Variants in TCF7L1 observed in about 807,000 individuals in gnomAD.
The protein encoded by TCF7L1 is transcription factor 7-like 1.
TCF7L1 carries 18 observed loss-of-function variants against 63.7 expected under a neutral mutation model. That is an observed-to-expected ratio of 0.28 (90% confidence interval 0.20 to 0.42). The LOEUF is 0.42. Among genes scored for constraint, TCF7L1 ranks in the 10% least tolerant of loss-of-function variants. TCF7L1 has a pLI of 1.00. For missense variants in TCF7L1, 654 were observed against 779.3 expected, an observed-to-expected ratio of 0.84 and a Z score of 1.91; for synonymous variants, 355 against 340.9, an observed-to-expected ratio of 1.04 and a Z score of -0.46.
At chr2:85,189,027 G>A (rs547379125) in intron 3 of TCF7L1, among the ~76,000 whole-genome samples, 75 of 152,236 alleles carry the variant, frequency 4.9e-4, no homozygotes, top group African/African-American at 1.7e-3. Context: ...GCAGAGCATC[G>A]TCCCTTCCAA....
chr2:85,184,771 G>A (rs191432521), intron 3 of TCF7L1, among the ~76,000 whole-genome samples: 4 of 152,154 alleles, frequency 2.6e-5, no homozygotes, highest in African/African-American at 4.8e-5. Flanking sequence ...GTATAGGGGC[G>A]GGACAAGGCT....
intron 3 of TCF7L1, among the ~76,000 whole-genome samples, chr2:85,235,856 T>C (rs894571967): frequency 6.6e-6 from 1 of 151,898 alleles, no homozygotes; most frequent in Non-Finnish European, 1.5e-5. Flanking sequence ...AGTCTGTCTC[T>C]ACCAGAAATA....
At chr2:85,262,732 AAGC>A (rs1183983808) in intron 3 of TCF7L1, among the ~76,000 whole-genome samples, 1 of 152,196 alleles carries the variant, frequency 6.6e-6, no homozygotes, top group Admixed American at 6.5e-5. Flanking sequence ...ATTAGAGAAC[AAGC>A]ATATGGGTTG....
In TCF7L1 at chr2:85,306,967, G is replaced by A. The variant is rs1265497762; in HGVS notation, c.1257+408G>A. On this transcript the variant is annotated intron_variant, in intron 10 of 11. Coordinates refer to ENST00000282111, the MANE Select transcript of TCF7L1 (RefSeq NM_031283.3). This position sits in a 1 kb window ranked among gnomAD's most constrained non-coding sequence, Gnocchi z 4.3. ...GCGTGAGCCACCGCGCCCGGCCAGC[G>A]ACTGCATTTATAGAGGACTCTTAAG... 1.3e-5 allele frequency among the ~76,000 whole-genome samples: 2 copies of A among 152,154 alleles called. No homozygotes were observed. Among genetic ancestry groups the A allele is most frequent in the Non-Finnish European group, 2.9e-5 (2 of 68,018 alleles).
chr2:85,135,942 G>A (rs931690762), intron 3 of TCF7L1, among the ~76,000 whole-genome samples: 17 of 134,576 alleles, frequency 1.3e-4, no homozygotes, highest in South Asian at 2.6e-4. Flanking sequence ...GGGGGGGGGG[G>A]ATCAACGAGC....
chr2:85,286,990 T>G (rs1320378878), intron 4 of TCF7L1, among the ~76,000 whole-genome samples: 4 of 152,182 alleles, frequency 2.6e-5, no homozygotes, highest in African/African-American at 9.7e-5. Flanking sequence ...TTCTTCCTTT[T>G]GCACAGAGCA....
At chr2:85,245,507 C>T (rs941493180) in intron 3 of TCF7L1, among the ~76,000 whole-genome samples, 5 of 152,076 alleles carry the variant, frequency 3.3e-5, no homozygotes, top group African/African-American at 1.2e-4. Context: ...AGGTCAGAGC[C>T]AGGGGCCTCT....
chr2:85,265,898 T>G (rs1680962128), intron 3 of TCF7L1, among the ~76,000 whole-genome samples: 1 of 152,162 alleles, frequency 6.6e-6, no homozygotes, highest in Admixed American at 6.5e-5. Context: ...ACACCCATAA[T>G]CTTGTCTCCC....
At chr2:85,242,853 T>C (rs754565046) in intron 3 of TCF7L1, among the ~76,000 whole-genome samples, 2 of 152,226 alleles carry the variant, frequency 1.3e-5, no homozygotes, top group Non-Finnish European at 2.9e-5. Flanking sequence ...GCAGATGTTT[T>C]ACCTCAGCCT....
At position 85,309,712 on chromosome 2, in the gene TCF7L1, C is replaced by A. The variant is rs1290306938; in HGVS notation, c.*250C>A. 7.1e-6 allele frequency: 3 copies of A among 422,524 alleles called. No individual in the cohort carries two copies. The highest frequency in any genetic ancestry group is 4.1e-5 in the African/African-American group (2 of 48,960). 26.2% of individuals were successfully genotyped at this position (422,524 alleles called of 1,614,324 possible). A position where few individuals can be genotyped will look rare whatever the true frequency, so the allele number is the denominator to read the frequency against. ...GAGAACTGAAAAGTAGCGTGCTATTCGTCCTGTAGGTGCTGTGGTGGATGG... is the reference window on the plus strand; with the variant it reads ...GAGAACTGAAAAGTAGCGTGCTATTAGTCCTGTAGGTGCTGTGGTGGATGG... On this transcript the variant is annotated 3_prime_UTR_variant, in exon 12 of 12. Transcript: ENST00000282111.
chr2:85,154,653 G>A (rs886362540), intron 3 of TCF7L1, among the ~76,000 whole-genome samples: 9 of 152,178 alleles, frequency 5.9e-5, no homozygotes, highest in Admixed American at 4.6e-4. Context: ...ACATTTCACT[G>A]TCGGTAAATA....
chr2:85,227,634 T>C (rs1679987771), intron 3 of TCF7L1, among the ~76,000 whole-genome samples: 1 of 152,192 alleles, frequency 6.6e-6, no homozygotes, highest in South Asian at 2.1e-4. Flanking sequence ...TCTACCATTC[T>C]AATAGAAACC....
chr2:85,165,569 G>A (rs769409417), intron 3 of TCF7L1, among the ~76,000 whole-genome samples: 10 of 152,324 alleles, frequency 6.6e-5, no homozygotes, highest in East Asian at 1.9e-4. Flanking sequence ...CCCGAGTGGC[G>A]TGTGTTGGAG....
At chr2:85,305,504 G>A in intron 8 of TCF7L1, 101 bp downstream of exon 8, 2 of 1,408,780 alleles carry the variant, frequency 1.4e-6, no homozygotes, top group Non-Finnish European at 9.4e-7. Flanking sequence ...CTCTCTTGGT[G>A]TCACTCAGCA....
intron 3 of TCF7L1, among the ~76,000 whole-genome samples, chr2:85,143,434 G>T (rs968866660): frequency 6.6e-6 from 1 of 151,922 alleles, no homozygotes; most frequent in Non-Finnish European, 1.5e-5. Flanking sequence ...GCTCTTTTTG[G>T]CTGGTCTTAA....
At chr2:85,222,478 G>A (rs1679868072) in intron 3 of TCF7L1, among the ~76,000 whole-genome samples, 1 of 151,724 alleles carries the variant, frequency 6.6e-6, no homozygotes, top group Non-Finnish European at 1.5e-5. Flanking sequence ...GGCCAGCCTG[G>A]GCAACATGGT....
chr2:85,274,539 A>G (rs1233268005), intron 3 of TCF7L1, among the ~76,000 whole-genome samples: 1 of 152,000 alleles, frequency 6.6e-6, no homozygotes, highest in Admixed American at 6.6e-5. Context: ...GCAAGTCAGG[A>G]CACATCTGAG....
intron 3 of TCF7L1, among the ~76,000 whole-genome samples, chr2:85,197,232 G>A (rs565728066): frequency 1.4e-4 from 21 of 152,312 alleles, no homozygotes; most frequent in Admixed American, 1.4e-3. Flanking sequence ...CCGACACGGT[G>A]AAACCCAGTC....
intron 3 of TCF7L1, among the ~76,000 whole-genome samples, chr2:85,250,959 G>A (rs370592989): frequency 1.3e-5 from 2 of 152,274 alleles, no homozygotes. Flanking sequence ...TGTTCAGACT[G>A]AGCAGCAAAA....
Sources: gnomAD v4.1 joint callset for allele counts (sites outside exome capture counted in the v4.1 genomes callset) on GRCh38, gnomAD v4.1.1 for gene constraint, Gnocchi (gnomAD v3.1) non-coding constraint, MANE v1.5 for transcripts, NCBI Gene and HGNC (gene_info 2026-07-23, HGNC 2026-07-21) for gene names.